The following STON1 variants were observed in gnomAD, a reference collection of about 807,000 sequenced individuals.
STON1 encodes stonin 1.
In STON1, 79 loss-of-function variants were observed where a neutral mutation model predicts 60.9. The observed-to-expected ratio is 1.30, with a 90% confidence interval of 1.08 to 1.56. The LOEUF (loss-of-function observed/expected upper bound fraction) is 1.56, where lower values mean the gene tolerates loss of function less well. Ranked by LOEUF, STON1 falls within the 40% of genes most tolerant of loss-of-function variation. STON1 has a pLI of 0.00. For synonymous variants in STON1, 363 were observed against 306.9 expected (o/e 1.18, Z -1.91); for missense variants, 1,166 against 858.9 (o/e 1.36, Z -4.47).
intron 1 of STON1, among the ~76,000 whole-genome samples, chr2:48,564,608 C>T (rs796533501): frequency 8.0e-5 from 6 of 74,608 alleles, no homozygotes; most frequent in African/African-American, 1.9e-4. Context: ...TCCTCCTTCT[C>T]CTTCTCCTTC....
At position 48,587,183 on chromosome 2, in the gene STON1, G is replaced by A. The variant is rs569506412; in HGVS notation, c.1931-4470G>A. On this transcript the variant is annotated intron_variant, in intron 2 of 3. Transcript: ENST00000404752. ...GATGTTTATAAAGGCTCATGCAGCC[G>A]GGGTTGAGAACTACTGACGTGATCC... is the stretch of plus-strand genomic sequence containing the variant. Among the ~76,000 whole-genome samples the A allele has an allele frequency of 1.4e-4, 22 of 152,318 alleles. No individual in the cohort carries two copies. The East Asian group carries it at 2.5e-3, about 17-fold the overall frequency.
chr2:48,575,401 C>T (rs1291606803), intron 1 of STON1, among the ~76,000 whole-genome samples: 1 of 152,032 alleles, frequency 6.6e-6, no homozygotes, highest in Non-Finnish European at 1.5e-5. Context: ...CACCTGTAAT[C>T]CCAGCACTTT....
intron 1 of STON1, among the ~76,000 whole-genome samples, chr2:48,579,602 C>G (rs1210062325): frequency 6.6e-6 from 1 of 152,058 alleles, no homozygotes; most frequent in Admixed American, 6.6e-5. Context: ...TTTCAATCTT[C>G]TCACATTTGT....
intron 1 of STON1, among the ~76,000 whole-genome samples, chr2:48,561,597 G>T (rs958264876): frequency 6.6e-6 from 1 of 152,176 alleles, no homozygotes; most frequent in Non-Finnish European, 1.5e-5. Context: ...TTGTTGTGGG[G>T]CTGCCCTGTG....
At chr2:48,586,738 A>C (rs2103939336) in intron 2 of STON1, among the ~76,000 whole-genome samples, 1 of 152,236 alleles carries the variant, frequency 6.6e-6, no homozygotes, top group African/African-American at 2.4e-5. Flanking sequence ...TGACTGCTAC[A>C]GAATCATATC....
chr2:48,594,802 A>G (rs10865231), intron 3 of STON1, among the ~76,000 whole-genome samples: 50,436 of 151,878 alleles, frequency 0.33, 8,655 homozygotes, highest in East Asian at 0.47. Context: ...ATAGTTTGTA[A>G]GATGGCTTGT....
rs375052743 is a variant in STON1, at chr2:48,591,649, C to T, written c.1931-4C>T. ...TTTGACTATTTGATTTTTTTTCCCTCGAGGTCTAGATCATCCCCATTGTCT... is the reference window on the plus strand; with the variant it reads ...TTTGACTATTTGATTTTTTTTCCCTTGAGGTCTAGATCATCCCCATTGTCT... On this transcript the variant is annotated splice_polypyrimidine_tract_variant and splice_region_variant and intron_variant, in intron 2 of 3. Transcript: ENST00000404752. 112 of 1,608,912 alleles carry T rather than the reference C, an allele frequency of 7.0e-5. No homozygotes were observed. Among genetic ancestry groups the T allele is most frequent in the East Asian group, 4.5e-5 (2 of 44,870 alleles).
chr2:48,566,294 G>A (rs1446260505), intron 1 of STON1, among the ~76,000 whole-genome samples: 2 of 152,170 alleles, frequency 1.3e-5, no homozygotes, highest in East Asian at 1.9e-4. Context: ...TCCTGCCTCA[G>A]CTTCCCAAGT....
chr2:48,598,162 A>T lies in STON1; in HGVS notation c.*2860A>T, dbSNP rs908248531. The T allele has an allele frequency of 6.6e-6, 1 of 152,168 alleles. No homozygotes were observed. 9.4% of individuals were successfully genotyped at this position (152,168 alleles called of 1,614,324 possible). A position where few individuals can be genotyped will look rare whatever the true frequency, so the allele number is the denominator to read the frequency against. On this transcript the variant is annotated 3_prime_UTR_variant, in exon 4 of 4. Coordinates refer to ENST00000404752, the MANE Select transcript of STON1 (RefSeq NM_006873.4). Reference sequence around the variant, plus strand: ...TTTGTGCAGATCTGAATTTAAGAACATTTCCTTTTTCTGTGGGAATCACAA... The same window carrying T: ...TTTGTGCAGATCTGAATTTAAGAACTTTTCCTTTTTCTGTGGGAATCACAA...
chr2:48,532,004 A>G (rs1291848271), intron 1 of STON1: 2 of 152,078 alleles, frequency 1.3e-5, no homozygotes. Context: ...CCCCATTGGT[A>G]TGAATCAGTT....
chr2:48,539,295 T>G (rs1468046239), intron 1 of STON1, among the ~76,000 whole-genome samples: 1 of 152,216 alleles, frequency 6.6e-6, no homozygotes, highest in Non-Finnish European at 1.5e-5. Context: ...TACTTAATCT[T>G]TTCAAATAAA....
chr2:48,571,905 C>T (rs1402529099), intron 1 of STON1, among the ~76,000 whole-genome samples: 1 of 152,192 alleles, frequency 6.6e-6, no homozygotes, highest in Non-Finnish European at 1.5e-5. Context: ...TGGCTCACGC[C>T]TGTAATCCCA....
chr2:48,559,326 G>A (rs1672514467), intron 1 of STON1, among the ~76,000 whole-genome samples: 1 of 152,148 alleles, frequency 6.6e-6, no homozygotes, highest in African/African-American at 2.4e-5. Context: ...CTGGAGGCTG[G>A]GAAGTCCAAT....
intron 1 of STON1, among the ~76,000 whole-genome samples, chr2:48,562,154 C>A (rs1353700065): frequency 1.3e-5 from 2 of 152,250 alleles, no homozygotes; most frequent in African/African-American, 4.8e-5. Context: ...AGCCACCGCA[C>A]CTGGCCTCAT....
At chr2:48,589,300 T>C (rs1478580391) in intron 2 of STON1, among the ~76,000 whole-genome samples, 1 of 152,220 alleles carries the variant, frequency 6.6e-6, no homozygotes, top group Non-Finnish European at 1.5e-5. Flanking sequence ...TTTTGTGATT[T>C]ACATTCCCCG....
At chr2:48,550,928 T>C (rs1672075705) in intron 1 of STON1, among the ~76,000 whole-genome samples, 2 of 152,030 alleles carry the variant, frequency 1.3e-5, no homozygotes, top group Non-Finnish European at 2.9e-5. Flanking sequence ...AAGTGAGCAA[T>C]TGTATGGTTG....
At position 48,564,483 on chromosome 2, in the gene STON1, C is replaced by T. The variant is rs868504021; in HGVS notation, c.-47-16104C>T. 1.8e-3 allele frequency among the ~76,000 whole-genome samples: 48 copies of T among 26,388 alleles called. 3 individuals are homozygous for T. Among genetic ancestry groups the T allele is most frequent in the South Asian group, 3.4e-3 (2 of 592 alleles). 17.3% of individuals were successfully genotyped at this position (26,388 alleles called of 152,430 possible). The stretch of plus-strand genomic sequence containing the variant: ...CTTCTTCTTCTTCTTCTTCTTCTTT[C>T]TTCTTCTTCTTCTTCTTCTTCTTCT... On this transcript the variant is annotated intron_variant, in intron 1 of 3. Coordinates refer to ENST00000404752, the MANE Select transcript of STON1 (RefSeq NM_006873.4).
chr2:48,530,920 C>G (rs1216634936), intron 1 of STON1: 2 of 152,352 alleles, frequency 1.3e-5, no homozygotes, highest in East Asian at 3.9e-4. Context: ...TATATTCCTC[C>G]TTAGGATTGT....
At chr2:48,575,050 A>G (rs1558621994) in intron 1 of STON1, among the ~76,000 whole-genome samples, 3 of 152,212 alleles carry the variant, frequency 2.0e-5, no homozygotes, top group East Asian at 1.9e-4. Context: ...GGCAAATGCC[A>G]TTTTACTTTC....
Sources: allele counts gnomAD v4.1 joint callset (sites outside exome capture counted in the v4.1 genomes callset), GRCh38; gene constraint gnomAD v4.1.1; transcripts MANE v1.5; gene names NCBI Gene and HGNC (gene_info 2026-07-23, HGNC 2026-07-21).